The following PHACTR2 variants were observed in gnomAD, a reference collection of about 807,000 sequenced individuals.
PHACTR2 encodes the protein chromosome 6 open reading frame 56.
A neutral mutation model predicts 76.0 loss-of-function variants in PHACTR2; 30 were observed. The observed-to-expected ratio is 0.39, with a 90% CI of 0.30 to 0.54. The LOEUF (loss-of-function observed/expected upper bound fraction) is 0.54. Ranked by LOEUF, PHACTR2 falls within the 20% of genes least tolerant of loss-of-function variation. The probability of loss-of-function intolerance (pLI) is 0.61; values close to 1 mark genes in which losing one functional copy is unlikely to be tolerated. For missense variants in PHACTR2, 696 were observed against 781.1 expected, an observed-to-expected ratio of 0.89 and a Z score of 1.30; for synonymous variants, 292 against 292.5, an observed-to-expected ratio of 1.00 and a Z score of 0.02.
In PHACTR2 at chr6:143,809,708, A is replaced by ATG. The variant is rs1333465983; in HGVS notation, c.1922+2581_1922+2582dup. 1.5e-5 allele frequency among the ~76,000 whole-genome samples: 2 copies of ATG among 136,154 alleles called. No individual in the cohort carries two copies. Among genetic ancestry groups the ATG allele is most frequent in the Non-Finnish European group, 3.4e-5 (2 of 59,088 alleles). 89.3% of individuals were successfully genotyped at this position (136,154 alleles called of 152,430 possible). ...TTTCCATGCATTTATAAATGTGTGT[A>ATG]TGTGTGTATATATATATATATATTA... On this transcript the variant is annotated intron_variant, in intron 12 of 12. Coordinates refer to ENST00000440869, the MANE Select transcript of PHACTR2 (RefSeq NM_001100164.2). The surrounding 1 kb of genome is among the most constrained non-coding windows in gnomAD (Gnocchi z 4.2).
In PHACTR2 at chr6:143,659,796, A is replaced by C. The variant is rs76608064; in HGVS notation, c.13+51474A>C. ...TCCTCCAAAAGCAGAGGAAACTAGAACTCCCTTCCAGTTTGTTCATCCATA... is the reference window on the plus strand; with the variant it reads ...TCCTCCAAAAGCAGAGGAAACTAGACCTCCCTTCCAGTTTGTTCATCCATA... On this transcript the variant is annotated intron_variant, in intron 1 of 11. Transcript: ENST00000305766. This position sits in a 1 kb window ranked among gnomAD's most constrained non-coding sequence, Gnocchi z 5.0. 6.6e-6 allele frequency among the ~76,000 whole-genome samples: 1 copy of C among 151,900 alleles called. No homozygotes were observed. The highest frequency in any genetic ancestry group is 2.4e-5 in the African/African-American group (1 of 41,330).
chr6:143,789,020 A>T lies in PHACTR2; in HGVS notation c.1845+110A>T. The T allele has an allele frequency of 1.1e-6, 1 of 923,524 alleles. No individual in the cohort carries two copies. The highest frequency in any genetic ancestry group is 1.6e-6 in the Non-Finnish European group (1 of 608,554). 57.2% of individuals were successfully genotyped at this position (923,524 alleles called of 1,614,324 possible). A position where few individuals can be genotyped will look rare whatever the true frequency, so the allele number is the denominator to read the frequency against. On this transcript the variant is annotated intron_variant, in intron 11 of 12. Coordinates refer to ENST00000440869, the MANE Select transcript of PHACTR2 (RefSeq NM_001100164.2). The surrounding 1 kb of genome is among the most constrained non-coding windows in gnomAD (Gnocchi z 5.1). ...AGGGGACGAGATCTTACCAAATATT[A>T]CAACAGTTTTCTGCCTCTGATTATT...
chr6:143,544,203 G>A (rs1221724800), intron 1 of PHACTR2, among the ~76,000 whole-genome samples: 1 of 142,252 alleles, frequency 7.0e-6, no homozygotes, highest in African/African-American at 2.5e-5. Context: ...TGCCTTGTGT[G>A]ATAGTAGGTC....
chr6:143,752,311 T>C (rs1189370100), intron 3 of PHACTR2, among the ~76,000 whole-genome samples: 1 of 152,072 alleles, frequency 6.6e-6, no homozygotes. Context: ...TGGTTTTCTA[T>C]TTTGTTTGGA....
Position 143,733,152 on chromosome 6 carries a change from C to A in PHACTR2, c.215-15833C>A, listed in dbSNP as rs530564769. On this transcript the variant is annotated intron_variant, in intron 2 of 12. Coordinates refer to ENST00000440869, the MANE Select transcript of PHACTR2 (RefSeq NM_001100164.2). The surrounding 1 kb of genome is among the most constrained non-coding windows in gnomAD (Gnocchi z 4.0). ...CTTCAAGTGATTGTCCTACCTTGAC[C>A]TCCCAAAGTGCTGGGATTATAGATG... Among the ~76,000 whole-genome samples, 1 of 152,196 alleles carries A rather than the reference C, an allele frequency of 6.6e-6. No individual in the cohort carries two copies. Among genetic ancestry groups the A allele is most frequent in the Non-Finnish European group, 1.5e-5 (1 of 68,030 alleles).
chr6:143,763,096 C>T (rs1779475910), intron 5 of PHACTR2, among the ~76,000 whole-genome samples: 1 of 152,174 alleles, frequency 6.6e-6, no homozygotes, highest in South Asian at 2.1e-4. Context: ...TTGTGACTCA[C>T]ACCTGTAATC....
rs1775034762 is a variant in PHACTR2 at position 143,548,066 on chromosome 6, T to A, written c.217+10859T>A. Among the ~76,000 whole-genome samples the A allele has an allele frequency of 6.6e-6, 1 of 152,194 alleles. No individual in the cohort carries two copies. Among genetic ancestry groups the A allele is most frequent in the South Asian group, 2.1e-4 (1 of 4,828 alleles). On this transcript the variant is annotated intron_variant, in intron 1 of 11. Coordinates refer to the PHACTR2 transcript ENST00000367584. The surrounding 1 kb of genome is among the most constrained non-coding windows in gnomAD (Gnocchi z 4.5). The stretch of plus-strand genomic sequence containing the variant: ...ATAAATAAGAGAAGTTTATTTCTCT[T>A]ATTATGTCTCACAGTTCTGGAGGCT...
chr6:143,662,874 C>T lies in PHACTR2; in HGVS notation c.14-49142C>T, dbSNP rs991599692. 6.6e-6 allele frequency among the ~76,000 whole-genome samples: 1 copy of T among 152,070 alleles called. No homozygotes were observed. Among genetic ancestry groups the T allele is most frequent in the African/African-American group, 2.4e-5 (1 of 41,402 alleles). ...TTCAACCCACATTCTTCTCCTTTCC[C>T]CCTATAGTACACAGTGTCTATTGTT... On this transcript the variant is annotated intron_variant, in intron 1 of 11. Transcript: ENST00000305766. The surrounding 1 kb of genome is among the most constrained non-coding windows in gnomAD (Gnocchi z 4.7).
Position 143,624,786 on chromosome 6 carries a change from CG to C in PHACTR2, c.13+16465del, listed in dbSNP as rs1776225405. On this transcript the variant is annotated intron_variant, in intron 1 of 11. Transcript: ENST00000305766. The surrounding 1 kb of genome is among the most constrained non-coding windows in gnomAD (Gnocchi z 4.6). ...AGGCTTGGCCAGGATGGTAAAGCTGCGTTTGTCATTGTGCCTACAAGCTGAG... is the reference window on the plus strand; with the variant it reads ...AGGCTTGGCCAGGATGGTAAAGCTGCTTTGTCATTGTGCCTACAAGCTGAG... Among the ~76,000 whole-genome samples the C allele has an allele frequency of 6.6e-6, 1 of 151,926 alleles. No individual in the cohort carries two copies. Among genetic ancestry groups the C allele is most frequent in the Admixed American group, 6.6e-5 (1 of 15,250 alleles).
chr6:143,748,798 G>A lies in PHACTR2; in HGVS notation c.215-187G>A, dbSNP rs1379566267. The stretch of plus-strand genomic sequence containing the variant: ...GCGGTTGGACTTCAGATCATGGGCT[G>A]CAGCCATTTGCTCTTGTCATAGCTG... On this transcript the variant is annotated intron_variant, in intron 2 of 12. Coordinates refer to ENST00000440869, the MANE Select transcript of PHACTR2 (RefSeq NM_001100164.2). 2.0e-5 allele frequency: 9 copies of A among 446,112 alleles called. 1 individual carries two copies. Among genetic ancestry groups the A allele is most frequent in the African/African-American group, 1.8e-4 (9 of 48,956 alleles). The allele number at this position is 446,112 out of a possible 1,614,324, so 27.6% of individuals were successfully genotyped here.
At chr6:143,694,708 A>C (rs371781523) in intron 1 of PHACTR2, among the ~76,000 whole-genome samples, 2 of 152,230 alleles carry the variant, frequency 1.3e-5, no homozygotes, top group East Asian at 1.9e-4. Flanking sequence ...CTGTCAAAGT[A>C]AAGTCAGAAC....
chr6:143,746,318 C>A lies in PHACTR2; in HGVS notation c.215-2667C>A, dbSNP rs750587474. ...AAGGACTAGAATCCAGGACTCCTGG[C>A]AGCCATTTTGTGTTTTGGGCAATTT... On this transcript the variant is annotated intron_variant, in intron 2 of 12. Coordinates refer to ENST00000440869, the MANE Select transcript of PHACTR2 (RefSeq NM_001100164.2). Among the ~76,000 whole-genome samples, 43 of 152,192 alleles carry A rather than the reference C, an allele frequency of 2.8e-4. 1 individual carries two copies. Among genetic ancestry groups the A allele is most frequent in the Admixed American group, 2.5e-3 (38 of 15,278 alleles).
At chr6:143,796,806 A>G (rs1403465213) in intron 11 of PHACTR2, among the ~76,000 whole-genome samples, 1 of 152,142 alleles carries the variant, frequency 6.6e-6, no homozygotes, top group Non-Finnish European at 1.5e-5. Context: ...AATCCAGTCT[A>G]TCACTGATGG....
rs750884444 is a variant in PHACTR2, at chr6:143,712,143, G to A, written c.174G>A (p.Arg58=). The A allele has an allele frequency of 1.9e-5, 29 of 1,559,392 alleles. No homozygotes were observed. In the South Asian group the frequency reaches 3.0e-4, roughly 16 times the overall value. ...IGKIFKPWKW[R]KKKTSDKFRE... ...AAATCTTTAAGCCTTGGAAATGGAGGAAAAAGAAGACCAGCGACAAATTTA... is the reference window on the plus strand; with the variant it reads ...AAATCTTTAAGCCTTGGAAATGGAGAAAAAAGAAGACCAGCGACAAATTTA... The change falls in exon 2 of 13, where the codon AGG becomes AGA. Residue 58 remains arginine (R), a synonymous_variant. Coordinates refer to ENST00000440869, the MANE Select transcript of PHACTR2 (RefSeq NM_001100164.2).
intron 1 of PHACTR2, among the ~76,000 whole-genome samples, chr6:143,667,737 C>A (rs967474483): frequency 6.6e-6 from 1 of 152,204 alleles, no homozygotes; most frequent in Non-Finnish European, 1.5e-5. Flanking sequence ...TATCCTGAGA[C>A]TTTGCTGAAG....
rs1163782997 is a variant in PHACTR2, at chr6:143,782,623, G to C, written c.1646-596G>C. ...CAAGAAAATAAATAATTTCCACCCA[G>C]AGTACATCATAACCTCATTTAGAAC... On this transcript the variant is annotated intron_variant, in intron 9 of 12. Coordinates refer to ENST00000440869, the MANE Select transcript of PHACTR2 (RefSeq NM_001100164.2). The surrounding 1 kb of genome is among the most constrained non-coding windows in gnomAD (Gnocchi z 4.6). Among the ~76,000 whole-genome samples, 1 of 152,194 alleles carries C rather than the reference G, an allele frequency of 6.6e-6. No individual in the cohort carries two copies. The highest frequency in any genetic ancestry group is 1.5e-5 in the Non-Finnish European group (1 of 68,038).
At position 143,537,149 on chromosome 6, in the gene PHACTR2, C is replaced by T; in HGVS notation, c.159C>T (p.Ser53=). 3.0e-6 allele frequency: 1 copy of T among 333,484 alleles called. No individual in the cohort carries two copies. The allele number at this position is 333,484 out of a possible 1,614,324, so 20.7% of individuals were successfully genotyped here. A position where few individuals can be genotyped will look rare whatever the true frequency, so the allele number is the denominator to read the frequency against. ...CGAGCCCCCGCGGCCGCTCACAGAG[C>T]GACCTCTCGTCGTCCTCGAGCAGGG... Residue 53 remains serine (S), a synonymous_variant, in exon 1 of 12, where the codon AGC becomes AGT. Transcript: ENST00000367584. This position sits in a 1 kb window ranked among gnomAD's most constrained non-coding sequence, Gnocchi z 4.4.
rs938982200 is a variant in PHACTR2 at position 143,549,384 on chromosome 6, G to A, written c.217+12177G>A. On this transcript the variant is annotated intron_variant, in intron 1 of 11. Transcript: ENST00000367584. The surrounding 1 kb of genome is among the most constrained non-coding windows in gnomAD (Gnocchi z 4.2). ...TGGCATTCCTTTGGCTTAATCTGAT[G>A]AAACATTTCTCAGCAAGGGTTTAGA... 1.3e-5 allele frequency among the ~76,000 whole-genome samples: 2 copies of A among 152,038 alleles called. No individual in the cohort carries two copies. Among genetic ancestry groups the A allele is most frequent in the African/African-American group, 4.8e-5 (2 of 41,438 alleles).
At chr6:143,631,454 A>G (rs1776361804) in intron 1 of PHACTR2, among the ~76,000 whole-genome samples, 1 of 152,058 alleles carries the variant, frequency 6.6e-6, no homozygotes, top group African/African-American at 2.4e-5. Flanking sequence ...TCGGCCTCCT[A>G]AAGTGTTGGG....
Sources: gnomAD v4.1 joint callset for allele counts (sites outside exome capture counted in the v4.1 genomes callset) on GRCh38, gnomAD v4.1.1 for gene constraint, Gnocchi (gnomAD v3.1) non-coding constraint, MANE v1.5 for transcripts, NCBI Gene and HGNC (gene_info 2026-07-23, HGNC 2026-07-21) for gene names.